The following NKAIN3 variants were observed in gnomAD, a reference collection of about 807,000 sequenced individuals.
The protein encoded by NKAIN3 is sodium/potassium transporting ATPase interacting 3, also known as sodium/potassium-transporting ATPase subunit beta-1-interacting protein 3.
NKAIN3 carries 25 observed loss-of-function variants against 30.2 expected under a neutral mutation model. The ratio of observed to expected loss-of-function variants is 0.83; its 90% confidence interval spans 0.60 to 1.16. NKAIN3 has a LOEUF of 1.16. Among genes scored for constraint, NKAIN3 ranks in the 50% most tolerant of loss-of-function variants. The probability of loss-of-function intolerance (pLI) is 0.00; values close to 1 mark genes in which losing one functional copy is unlikely to be tolerated. For missense variants in NKAIN3, 225 were observed against 254.1 expected (o/e 0.89, Z 0.78); for synonymous variants, 91 against 89.6 (o/e 1.02, Z -0.09).
intron 1 of NKAIN3, among the ~76,000 whole-genome samples, chr8:62,262,807 T>A (rs1812485146): frequency 6.6e-6 from 1 of 152,170 alleles, no homozygotes; most frequent in African/African-American, 2.4e-5. Context: ...AGAGGCACAT[T>A]GGTCATCTAT....
At chr8:62,719,810 G>T (rs1227490762) in intron 3 of NKAIN3, among the ~76,000 whole-genome samples, 1 of 138,422 alleles carries the variant, frequency 7.2e-6, no homozygotes, top group Non-Finnish European at 1.5e-5. Flanking sequence ...AGGCTGGAGT[G>T]CAGCGGCGCG....
At chr8:62,496,298 G>A (rs1287961787) in intron 1 of NKAIN3, among the ~76,000 whole-genome samples, 3 of 152,060 alleles carry the variant, frequency 2.0e-5, no homozygotes, top group Non-Finnish European at 4.4e-5. Flanking sequence ...AAAACTGATG[G>A]AGCCAAGATT....
At position 62,946,636 on chromosome 8, in the gene NKAIN3, G is replaced by A. The variant is rs371514792; in HGVS notation, c.533-7266G>A. On this transcript the variant is annotated intron_variant, in intron 5 of 6. Coordinates refer to ENST00000623646, the MANE Select transcript of NKAIN3 (RefSeq NM_001304533.3). ...CTTTATCCTTATGAATTTATATCAC[G>A]GAACAAGAAAATCACAGTGTAATAG... Among the ~76,000 whole-genome samples the A allele has an allele frequency of 7.2e-5, 11 of 152,218 alleles. No individual in the cohort carries two copies. The South Asian group carries it at 1.0e-3, about 14-fold the overall frequency.
chr8:62,542,838 G>T (rs1055175280), intron 1 of NKAIN3, among the ~76,000 whole-genome samples: 31 of 152,098 alleles, frequency 2.0e-4, no homozygotes, highest in African/African-American at 7.0e-4. Context: ...TTTGCTATTT[G>T]TTTTTCCCAC....
At chr8:62,574,725 G>A (rs1168905834) in intron 1 of NKAIN3, among the ~76,000 whole-genome samples, 2 of 151,892 alleles carry the variant, frequency 1.3e-5, no homozygotes, top group African/African-American at 4.8e-5. Flanking sequence ...CCTGTTTTTT[G>A]GATATAAGCC....
At chr8:62,471,597 G>A (rs1488198151) in intron 1 of NKAIN3, among the ~76,000 whole-genome samples, 2 of 152,152 alleles carry the variant, frequency 1.3e-5, no homozygotes, top group African/African-American at 4.8e-5. Flanking sequence ...GCTGTGAAAA[G>A]ATATCAAATT....
At position 62,614,832 on chromosome 8, in the gene NKAIN3, T is replaced by G. The variant is rs556282787; in HGVS notation, c.273+25038T>G. ...CTGCCAGACTACCTCTAATGTTCCCTTAAAACCCAAGGTCTCTTAAATCAG... is the reference window on the plus strand; with the variant it reads ...CTGCCAGACTACCTCTAATGTTCCCGTAAAACCCAAGGTCTCTTAAATCAG... On this transcript the variant is annotated intron_variant, in intron 3 of 6. Coordinates refer to ENST00000623646, the MANE Select transcript of NKAIN3 (RefSeq NM_001304533.3). Among the ~76,000 whole-genome samples, 15 of 152,234 alleles carry G rather than the reference T, an allele frequency of 9.9e-5. No homozygotes were observed. In the East Asian group the frequency reaches 2.9e-3, roughly 30 times the overall value.
At chr8:62,870,531 G>GTACAATATGTACATATATATACTATATA (rs1820594995) in intron 4 of NKAIN3, among the ~76,000 whole-genome samples, 2 of 131,536 alleles carry the variant, frequency 1.5e-5, no homozygotes, top group Non-Finnish European at 3.1e-5. Context: ...ATGTATATAT[G>GTACAATATGTACATATATATACTATATA]TACAATATGT....
chr8:62,447,620 C>T (rs1252760369), intron 1 of NKAIN3, among the ~76,000 whole-genome samples: 1 of 151,904 alleles, frequency 6.6e-6, no homozygotes, highest in East Asian at 1.9e-4. Flanking sequence ...TAGGTCCAAC[C>T]AACCAATGCA....
At chr8:62,653,294 A>G (rs1812679439) in intron 3 of NKAIN3, among the ~76,000 whole-genome samples, 1 of 152,130 alleles carries the variant, frequency 6.6e-6, no homozygotes. Context: ...AGAGAGAGAG[A>G]GAGAACCAGA....
rs938295923 is a variant in NKAIN3, at chr8:62,973,929, C to A, written c.*8522C>A. Among the ~76,000 whole-genome samples the A allele has an allele frequency of 6.6e-6, 1 of 152,192 alleles. No homozygotes were observed. ...CCATTTATTAAATAGGAAATCCTTT[C>A]CCCATTGCTTGTTTTTATCAGGTTT... On this transcript the variant is annotated 3_prime_UTR_variant, in exon 7 of 7. Coordinates refer to ENST00000623646, the MANE Select transcript of NKAIN3 (RefSeq NM_001304533.3).
chr8:62,833,698 C>CA (rs563003978), intron 4 of NKAIN3, among the ~76,000 whole-genome samples: 43 of 142,972 alleles, frequency 3.0e-4, no homozygotes, highest in East Asian at 8.1e-4. Flanking sequence ...AACCTACCAA[C>CA]AAAAAAAAAA....
intron 1 of NKAIN3, among the ~76,000 whole-genome samples, chr8:62,397,669 A>C (rs575206351): frequency 6.6e-6 from 1 of 152,220 alleles, no homozygotes. Flanking sequence ...CATAAGGCTA[A>C]CTCTGAATTA....
intron 3 of NKAIN3, among the ~76,000 whole-genome samples, chr8:62,678,624 A>G (rs1453113587): frequency 2.0e-5 from 3 of 151,388 alleles, no homozygotes. Context: ...TCATTATTAT[A>G]TATTGATGTT....
At chr8:62,301,294 A>T (rs1814042873) in intron 1 of NKAIN3, among the ~76,000 whole-genome samples, 1 of 152,064 alleles carries the variant, frequency 6.6e-6, no homozygotes, top group South Asian at 2.1e-4. Context: ...AGAAAAATTA[A>T]ATTGTCCGGA....
intron 1 of NKAIN3, among the ~76,000 whole-genome samples, chr8:62,339,769 A>G (rs1399362471): frequency 6.6e-6 from 1 of 152,078 alleles, no homozygotes; most frequent in Non-Finnish European, 1.5e-5. Context: ...CCCCAAGTTA[A>G]AAAGTAATGT....
intron 5 of NKAIN3, among the ~76,000 whole-genome samples, chr8:62,919,538 C>A (rs1012869511): frequency 6.6e-6 from 1 of 152,008 alleles, no homozygotes; most frequent in East Asian, 1.9e-4. Flanking sequence ...AGCCACCATG[C>A]CCAGCCTACT....
At position 62,249,104 on chromosome 8, in the gene NKAIN3, A is replaced by G; in HGVS notation, c.31A>G (p.Ile11Val). The change falls in exon 1 of 7, where the codon ATC becomes GTC. Residue 11 changes from isoleucine (I) to valine (V), a missense_variant. Coordinates refer to ENST00000623646, the MANE Select transcript of NKAIN3 (RefSeq NM_001304533.3). The part of the protein sequence containing the change: MGCCTGRCSL[I>V]CLCALQLVSA... ...CTGCTGCACCGGACGCTGCTCGCTC[A>G]TCTGCCTCTGCGCGCTGCAGTTGGT... The G allele has an allele frequency of 1.3e-6, 2 of 1,539,152 alleles. No homozygotes were observed. Among genetic ancestry groups the G allele is most frequent in the Non-Finnish European group, 1.7e-6 (2 of 1,144,136 alleles).
chr8:62,500,689 G>T (rs1006806222), intron 1 of NKAIN3, among the ~76,000 whole-genome samples: 2 of 152,140 alleles, frequency 1.3e-5, no homozygotes, highest in Admixed American at 1.3e-4. Flanking sequence ...TTTGTGGAGG[G>T]CAATGGGTTT....
Sources: allele counts gnomAD v4.1 joint callset (sites outside exome capture counted in the v4.1 genomes callset), GRCh38; gene constraint gnomAD v4.1.1; transcripts MANE v1.5; gene names NCBI Gene and HGNC (gene_info 2026-07-23, HGNC 2026-07-21).